The following TBX1 variants were observed in gnomAD, a reference collection of about 807,000 sequenced individuals.
The protein encoded by TBX1 is T-box transcription factor TBX1.
TBX1 carries 16 observed loss-of-function variants against 40.8 expected under a neutral mutation model. The ratio of observed to expected loss-of-function variants is 0.39; its 90% CI spans 0.27 to 0.60. The LOEUF (loss-of-function observed/expected upper bound fraction) is 0.60, where lower values mean the gene tolerates loss of function less well. TBX1 is among the 20% of genes least tolerant of loss of function. The probability of loss-of-function intolerance (pLI) is 0.51; values close to 1 mark genes in which losing one functional copy is unlikely to be tolerated. For synonymous variants in TBX1, 403 were observed against 336.8 expected (o/e 1.20, Z -2.15); for missense variants, 755 against 728.5 (o/e 1.04, Z -0.42).
upstream of TBX1, among the ~76,000 whole-genome samples, chr22:19,758,786 C>T (rs950525106): frequency 3.9e-5 from 6 of 152,198 alleles, no homozygotes; most frequent in Non-Finnish European, 5.9e-5. Flanking sequence ...GTGCGCGTGA[C>T]GCTCGGGCTC....
chr22:19,761,661 C>T (rs1037218359), intron 1 of TBX1, among the ~76,000 whole-genome samples: 1 of 152,332 alleles, frequency 6.6e-6, no homozygotes, highest in Admixed American at 6.5e-5. Flanking sequence ...CCTCACCGCC[C>T]GGCCGACTCC....
Position 19,761,036 on chromosome 22 carries a change from G to A in TBX1, c.193G>A (p.Ala65Thr). 1 of 892,046 alleles carries A rather than the reference G, an allele frequency of 1.1e-6. No homozygotes were observed. Among genetic ancestry groups the A allele is most frequent in the Non-Finnish European group, 1.3e-6 (1 of 748,384 alleles). The allele number at this position is 892,046 out of a possible 1,614,324, so 55.3% of individuals were successfully genotyped here. Residue 65 changes from alanine to threonine, a missense_variant, in exon 1 of 7, where the codon GCC becomes ACC. Transcript: ENST00000649276. The part of the protein sequence containing the change: ...PPPRYDPCAA[A>T]APGAPGPPPP... Reference sequence around the variant, plus strand: ...GCCGCGCTACGACCCGTGCGCCGCCGCCGCCCCCGGCGCCCCGGGCCCGCC... The same window carrying A: ...GCCGCGCTACGACCCGTGCGCCGCCACCGCCCCCGGCGCCCCGGGCCCGCC...
intron 1 of TBX1, 109 bp from the exon 2 acceptor site, chr22:19,763,131 GC>G (rs1396389934): frequency 6.0e-6 from 5 of 829,606 alleles, no homozygotes; most frequent in Non-Finnish European, 8.2e-6. Context: ...CGACACAGCA[GC>G]CCCCAGAGGC....
downstream of TBX1, among the ~76,000 whole-genome samples, chr22:19,768,166 C>T (rs1936921761): frequency 6.6e-6 from 1 of 152,162 alleles, no homozygotes; most frequent in Admixed American, 6.5e-5. Flanking sequence ...GGGAAGTGCA[C>T]GTGGCCGAGG....
At chr22:19,778,744 C>A (rs371053831) in intron 8 of TBX1, among the ~76,000 whole-genome samples, 2 of 152,222 alleles carry the variant, frequency 1.3e-5, no homozygotes, top group African/African-American at 4.8e-5. Flanking sequence ...CCCTTTGAAA[C>A]CCCATCTCTA....
In TBX1 at chr22:19,766,827, G is replaced by A. The variant is rs764132783; in HGVS notation, c.1475G>A (p.Gly492Glu). ...GCCGCCAACATGTACTCGTCGGCCGGAGCCGCGCCGCCCGGCTCCTACGAC... is the reference window on the plus strand; with the variant it reads ...GCCGCCAACATGTACTCGTCGGCCGAAGCCGCGCCGCCCGGCTCCTACGAC... ...AAAANMYSSA[G>E]AAPPGSYDYC... The change falls in exon 7 of 7, where the codon GGA becomes GAA. Residue 492 changes from glycine (G) to glutamate (E), a missense_variant. By Grantham distance (98) the Gly-to-Glu change is moderately conservative. Coordinates refer to ENST00000649276, the MANE Select transcript of TBX1 (RefSeq NM_001379200.1). The A allele has an allele frequency of 3.8e-6, 6 of 1,566,726 alleles. No individual in the cohort carries two copies. In the East Asian group the frequency reaches 1.5e-4, roughly 38 times the overall value.
chr22:19,764,071 G>T (rs1936753571), intron 2 of TBX1, 84 bp from the exon 3 acceptor site: 1 of 1,506,118 alleles, frequency 6.6e-7, no homozygotes, highest in East Asian at 2.3e-5. Context: ...CTTCTCAAAG[G>T]CACTTTTAGG....
upstream of TBX1, among the ~76,000 whole-genome samples, chr22:19,758,691 C>T (rs554610931): frequency 6.6e-6 from 1 of 152,224 alleles, no homozygotes; most frequent in East Asian, 1.9e-4. Context: ...TGCGCCCGGC[C>T]GGTGCGCAGG....
downstream of TBX1, among the ~76,000 whole-genome samples, chr22:19,781,814 G>T (rs1177248092): frequency 1.3e-5 from 2 of 152,126 alleles, no homozygotes; most frequent in Non-Finnish European, 2.9e-5. Flanking sequence ...CCCATTGAAT[G>T]GTCACCACAT....
chr22:19,768,953 C>CTTTTTT (rs36085623), downstream of TBX1, among the ~76,000 whole-genome samples: 1,368 of 66,086 alleles, frequency 0.021, 224 homozygotes, highest in Non-Finnish European at 0.032. Flanking sequence ...TGTTCGCATT[C>CTTTTTT]TTTTTTTTTT....
chr22:19,768,953 C>CTTTTTTTTTTTTTTTTTTTTTGTTTT (rs1936940044), downstream of TBX1, among the ~76,000 whole-genome samples: 1 of 66,108 alleles, frequency 1.5e-5, no homozygotes, highest in Admixed American at 2.1e-4. Context: ...TGTTCGCATT[C>CTTTTTTTTTTTTTTTTTTTTTGTTTT]TTTTTTTTTT....
chr22:19,781,127 G>T (rs1021519934), downstream of TBX1, among the ~76,000 whole-genome samples: 1 of 152,200 alleles, frequency 6.6e-6, no homozygotes, highest in Non-Finnish European at 1.5e-5. Context: ...TGGGTGTAAG[G>T]CAGTATCTGT....
downstream of TBX1, chr22:19,783,343 G>A (rs1937160398): frequency 2.7e-6 from 1 of 375,374 alleles, no homozygotes. Flanking sequence ...GAGGTCAAGT[G>A]TGCATGCAAG....
chr22:19,780,302 C>T (rs535854560), downstream of TBX1, among the ~76,000 whole-genome samples: 44 of 152,310 alleles, frequency 2.9e-4, no homozygotes, highest in African/African-American at 9.9e-4. Flanking sequence ...TGGCAGCCAG[C>T]ATTCTACTCT....
intron 8 of TBX1, among the ~76,000 whole-genome samples, chr22:19,776,756 C>A (rs1230604333): frequency 2.0e-5 from 3 of 152,228 alleles, no homozygotes; most frequent in African/African-American, 7.2e-5. Context: ...CAGCACACTA[C>A]CCGCATGTGC....
At chr22:19,769,368 G>T (rs1352518636), downstream of TBX1, among the ~76,000 whole-genome samples, 1 of 152,238 alleles carries the variant, frequency 6.6e-6, no homozygotes, top group African/African-American at 2.4e-5. Flanking sequence ...TGCTGTTGCT[G>T]CTGAGGGCAC....
At position 19,767,116 on chromosome 22, in the gene TBX1, G is replaced by A. The variant is rs926658302; in HGVS notation, c.*249G>A. On this transcript the variant is annotated 3_prime_UTR_variant, in exon 7 of 7. Transcript: ENST00000649276. The stretch of plus-strand genomic sequence containing the variant: ...CCTTCCCCGGCCCCGAGGGCCAAGG[G>A]GGTCCCCGCCCGCCAGTGCCAAAGC... 4.8e-6 allele frequency: 6 copies of A among 1,250,870 alleles called. No individual in the cohort carries two copies. The highest frequency in any genetic ancestry group is 6.0e-6 in the Non-Finnish European group (6 of 999,636). 77.5% of individuals were successfully genotyped at this position (1,250,870 alleles called of 1,614,324 possible).
At position 19,763,328 on chromosome 22, in the gene TBX1, C is replaced by T. The variant is rs538317719; in HGVS notation, c.525C>T (p.Asp175=). ...TGCTCATGGACTTCGTGCCGGTGGA[C>T]GATAAGCGCTACCGGTGAGCGAGTG... The part of the protein sequence containing the change: ...YMLLMDFVPV[D]DKRYRYAFHS... The change falls in exon 2 of 7, where the codon GAC becomes GAT. Residue 175 remains aspartate (D), a synonymous_variant. Coordinates refer to ENST00000649276, the MANE Select transcript of TBX1 (RefSeq NM_001379200.1). The T allele has an allele frequency of 1.6e-5, 26 of 1,614,120 alleles. No individual in the cohort carries two copies. Among genetic ancestry groups the T allele is most frequent in the African/African-American group, 1.2e-4 (9 of 75,066 alleles).
chr22:19,779,553 T>G (rs1232796779), downstream of TBX1: 8 of 1,487,560 alleles, frequency 5.4e-6, no homozygotes, highest in Admixed American at 2.3e-5. Flanking sequence ...TAAATACTTC[T>G]CCATAGAGTC....
Sources: gnomAD v4.1 joint callset for allele counts (sites outside exome capture counted in the v4.1 genomes callset) on GRCh38, gnomAD v4.1.1 for gene constraint, MANE v1.5 for transcripts, NCBI Gene and HGNC (gene_info 2026-07-23, HGNC 2026-07-21) for gene names.